Variants in MTCL3 observed in about 807,000 individuals in gnomAD.
The protein encoded by MTCL3 is MTCL family member 3, also known as microtubule cross-linking factor 3.
the MTCL3 span, among the ~76,000 whole-genome samples, chr6:127,499,165 C>T: frequency 2.0e-5 from 3 of 152,064 alleles, no homozygotes; most frequent in African/African-American, 7.2e-5. Flanking sequence ...AAACTATTTG[C>T]TATGAGAAAC....
At chr6:127,490,781 C>T in the MTCL3 span, among the ~76,000 whole-genome samples, 9 of 152,308 alleles carry the variant, frequency 5.9e-5, no homozygotes, top group East Asian at 1.5e-3. Flanking sequence ...CGCACCATTA[C>T]ACTCCAGCCT....
chr6:127,478,280 T>C, the MTCL3 span, among the ~76,000 whole-genome samples: 1 of 152,180 alleles, frequency 6.6e-6, no homozygotes, highest in African/African-American at 2.4e-5. Context: ...AAGAGGAGCA[T>C]TCCATTTAGA....
the MTCL3 span, among the ~76,000 whole-genome samples, chr6:127,514,456 C>G: frequency 1.3e-5 from 2 of 152,240 alleles, no homozygotes; most frequent in African/African-American, 4.8e-5. Flanking sequence ...CTGCCCGATT[C>G]CACCGGACTT....
the MTCL3 span, chr6:127,515,872 C>T: frequency 2.5e-6 from 4 of 1,611,790 alleles, no homozygotes; most frequent in Non-Finnish European, 3.4e-6. This position sits in a 1 kb window ranked among gnomAD's most constrained non-coding sequence, Gnocchi z 4.3. Context: ...TTTCCAGTAG[C>T]TCCCTCCACC....
At chr6:127,490,173 C>G in the MTCL3 span, among the ~76,000 whole-genome samples, 1 of 152,156 alleles carries the variant, frequency 6.6e-6, no homozygotes, top group Non-Finnish European at 1.5e-5. Flanking sequence ...GCCTTTATGA[C>G]AGCATCTCAA....
At chr6:127,482,474 G>T in the MTCL3 span, among the ~76,000 whole-genome samples, 1 of 151,924 alleles carries the variant, frequency 6.6e-6, no homozygotes, top group South Asian at 2.1e-4. This position sits in a 1 kb window ranked among gnomAD's most constrained non-coding sequence, Gnocchi z 4.1. Flanking sequence ...CCAATCACTG[G>T]TATGGAGAAT....
the MTCL3 span, chr6:127,515,009 C>T: frequency 3.1e-6 from 5 of 1,614,026 alleles, no homozygotes; most frequent in Admixed American, 5.0e-5. This position sits in a 1 kb window ranked among gnomAD's most constrained non-coding sequence, Gnocchi z 4.3. Flanking sequence ...AAGTGTCCCT[C>T]ATCTCGTCCA....
At chr6:127,496,781 G>A in the MTCL3 span, among the ~76,000 whole-genome samples, 1 of 152,164 alleles carries the variant, frequency 6.6e-6, no homozygotes, top group Admixed American at 6.5e-5. Flanking sequence ...TGACACAGAT[G>A]AATGAATAGA....
At chr6:127,512,884 T>C in the MTCL3 span, 1 of 1,608,088 alleles carries the variant, frequency 6.2e-7, no homozygotes, top group Non-Finnish European at 8.5e-7. Context: ...AATAATCAAA[T>C]ACTAACCTCT....
the MTCL3 span, among the ~76,000 whole-genome samples, chr6:127,500,093 G>T: frequency 7.2e-5 from 11 of 152,066 alleles, no homozygotes; most frequent in Non-Finnish European, 1.6e-4. Flanking sequence ...TGCCCATACT[G>T]CTGTGAGTAA....
At chr6:127,503,362 C>T in the MTCL3 span, among the ~76,000 whole-genome samples, 1 of 152,292 alleles carries the variant, frequency 6.6e-6, no homozygotes, top group Admixed American at 6.5e-5. Context: ...GTAATTAGCA[C>T]TCAACATTGG....
chr6:127,496,878 T>C, the MTCL3 span, among the ~76,000 whole-genome samples: 1 of 152,138 alleles, frequency 6.6e-6, no homozygotes, highest in Admixed American at 6.5e-5. Flanking sequence ...ACAGATGAAC[T>C]TGAAAAACAC....
At chr6:127,516,088 GCTC>G in the MTCL3 span, 1 of 1,497,778 alleles carries the variant, frequency 6.7e-7, no homozygotes, top group Non-Finnish European at 8.8e-7. Flanking sequence ...GCCGCCGCCG[GCTC>G]CTCCTCCTTC....
the MTCL3 span, chr6:127,515,066 G>A: frequency 1.2e-6 from 2 of 1,608,778 alleles, no homozygotes; most frequent in Admixed American, 1.7e-5. The surrounding 1 kb of genome is among the most constrained non-coding windows in gnomAD (Gnocchi z 4.3). Flanking sequence ...GTGACAGGCC[G>A]CGTGTCAAAA....
At chr6:127,499,243 G>A in the MTCL3 span, among the ~76,000 whole-genome samples, 2 of 152,116 alleles carry the variant, frequency 1.3e-5, no homozygotes, top group South Asian at 2.1e-4. Flanking sequence ...GAACTAACAA[G>A]AAGGTCATAA....
chr6:127,476,564 T>C, the MTCL3 span: 1 of 1,008,722 alleles, frequency 9.9e-7, no homozygotes, highest in Non-Finnish European at 1.4e-6. This position sits in a 1 kb window ranked among gnomAD's most constrained non-coding sequence, Gnocchi z 4.4. Flanking sequence ...TAATTTTTCT[T>C]GCAATCCAGA....
chr6:127,486,882 CCA>C, the MTCL3 span, among the ~76,000 whole-genome samples: 2 of 152,042 alleles, frequency 1.3e-5, no homozygotes, highest in Non-Finnish European at 2.9e-5. Flanking sequence ...AGCAATTAAA[CCA>C]CAGAGAAGAA....
the MTCL3 span, chr6:127,475,610 G>T: frequency 1.9e-6 from 3 of 1,601,166 alleles, no homozygotes; most frequent in Non-Finnish European, 2.5e-6. The surrounding 1 kb of genome is among the most constrained non-coding windows in gnomAD (Gnocchi z 7.3). Context: ...AAGCTCTTGG[G>T]CCAGGGCCCG....
the MTCL3 span, among the ~76,000 whole-genome samples, chr6:127,474,809 G>C: frequency 6.6e-6 from 1 of 152,080 alleles, no homozygotes; most frequent in Non-Finnish European, 1.5e-5. Context: ...GAACTCCTGA[G>C]CTCAAGCAAT....
Sources: gnomAD v4.1 joint callset for allele counts (sites outside exome capture counted in the v4.1 genomes callset) on GRCh38, gnomAD v4.1.1 for gene constraint, Gnocchi (gnomAD v3.1) non-coding constraint, MANE v1.5 for transcripts, NCBI Gene and HGNC (gene_info 2026-07-23, HGNC 2026-07-21) for gene names.